RABGEF1: variants seen among roughly 807,000 people sequenced by gnomAD.
RABGEF1 encodes RAB guanine nucleotide exchange factor 1.
A neutral mutation model predicts 57.3 loss-of-function variants in RABGEF1; 26 were observed. That is an observed-to-expected ratio of 0.45 (90% CI 0.33 to 0.63). The LOEUF (loss-of-function observed/expected upper bound fraction) is 0.63, where lower values mean the gene tolerates loss of function less well. Among genes scored for constraint, RABGEF1 ranks in the 20% least tolerant of loss-of-function variants. The pLI is 0.02. For missense variants in RABGEF1, 464 were observed against 607.6 expected (o/e 0.76, Z 2.48); for synonymous variants, 185 against 210.7 (o/e 0.88, Z 1.06).
At chr7:66,740,985 C>A (rs1798784416) in intron 1 of RABGEF1, among the ~76,000 whole-genome samples, 193 bp downstream of exon 1, 1 of 152,136 alleles carries the variant, frequency 6.6e-6, no homozygotes, top group Non-Finnish European at 1.5e-5. Context: ...CTTCCCCGTT[C>A]CAGGCCGCCC....
intron 1 of RABGEF1, among the ~76,000 whole-genome samples, chr7:66,749,527 G>T (rs1027808): frequency 2.2e-4 from 33 of 152,188 alleles, no homozygotes; most frequent in African/African-American, 7.7e-4. Flanking sequence ...ACTTTGCGAG[G>T]TGTTGTTCAC....
chr7:66,731,394 C>T (rs1187466435), intron 2 of RABGEF1, among the ~76,000 whole-genome samples: 1 of 152,108 alleles, frequency 6.6e-6, no homozygotes, highest in Non-Finnish European at 1.5e-5. Context: ...GGTTGAGGCT[C>T]TAAGAGCATG....
At chr7:66,735,157 A>G (rs10244204) in intron 2 of RABGEF1, among the ~76,000 whole-genome samples, 1 of 152,068 alleles carries the variant, frequency 6.6e-6, no homozygotes, top group African/African-American at 2.4e-5. Flanking sequence ...AGTGTTAGCT[A>G]ATTTCCTCCC....
At chr7:66,797,946 G>A (rs1443450838) in intron 6 of RABGEF1, among the ~76,000 whole-genome samples, 1 of 152,018 alleles carries the variant, frequency 6.6e-6, no homozygotes, top group Non-Finnish European at 1.5e-5. Flanking sequence ...GTAAAACCCC[G>A]TCTCTACTAA....
chr7:66,773,657 G>A (rs1414372455), intron 2 of RABGEF1: 1 of 453,774 alleles, frequency 2.2e-6, no homozygotes. Context: ...GATAGTGCTT[G>A]TGCTTTTTGT....
chr7:66,711,045 A>G (rs575213544), intron 1 of RABGEF1, among the ~76,000 whole-genome samples: 1 of 152,302 alleles, frequency 6.6e-6, no homozygotes, highest in Admixed American at 6.5e-5. Flanking sequence ...CTGTAGTCCC[A>G]GCTACTCAGG....
At chr7:66,672,380 C>T in the RABGEF1 span, among the ~76,000 whole-genome samples, 7 of 152,170 alleles carry the variant, frequency 4.6e-5, no homozygotes, top group East Asian at 1.9e-4. Flanking sequence ...TGCAGTGAGC[C>T]GAGATCGTGC....
At chr7:66,768,018 T>C (rs1806179298) in intron 1 of RABGEF1, among the ~76,000 whole-genome samples, 1 of 152,330 alleles carries the variant, frequency 6.6e-6, no homozygotes, top group South Asian at 2.1e-4. Flanking sequence ...CATTCACCCA[T>C]TGAAGGATAT....
chr7:66,746,790 A>T (rs376313066), intron 1 of RABGEF1, among the ~76,000 whole-genome samples: 4 of 145,402 alleles, frequency 2.8e-5, no homozygotes, highest in Non-Finnish European at 4.5e-5. Flanking sequence ...CGTCCGGCTA[A>T]TTTTTTTTTT....
At chr7:66,719,850 G>T (rs1321663917) in intron 2 of RABGEF1, among the ~76,000 whole-genome samples, 1 of 152,172 alleles carries the variant, frequency 6.6e-6, no homozygotes, top group Non-Finnish European at 1.5e-5. Context: ...AGTTATAGCA[G>T]AAGTTATATG....
intron 1 of RABGEF1, among the ~76,000 whole-genome samples, chr7:66,705,087 G>A (rs1793811763): frequency 6.6e-6 from 1 of 151,870 alleles, no homozygotes; most frequent in African/African-American, 2.4e-5. Flanking sequence ...AATTCTATTT[G>A]TTCCTTGCTG....
At chr7:66,669,905 C>G in the RABGEF1 span, 10 of 152,272 alleles carry the variant, frequency 6.6e-5, no homozygotes, top group African/African-American at 2.4e-4. Context: ...AAATAAATCC[C>G]TACCCCACTT....
the RABGEF1 span, among the ~76,000 whole-genome samples, chr7:66,656,985 A>C: frequency 1.3e-5 from 2 of 152,200 alleles, no homozygotes; most frequent in Non-Finnish European, 2.9e-5. Context: ...TATGTGCCTA[A>C]CAACAGAGCA....
the RABGEF1 span, among the ~76,000 whole-genome samples, chr7:66,667,821 G>A: frequency 6.6e-6 from 1 of 152,272 alleles, no homozygotes; most frequent in South Asian, 2.1e-4. Flanking sequence ...TGTTTGAGAT[G>A]GAGTCTTGCT....
intron 1 of RABGEF1, chr7:66,756,149 G>A (rs2129071542): frequency 1.0e-6 from 1 of 972,540 alleles, no homozygotes; most frequent in East Asian, 2.9e-5. Flanking sequence ...AGAAAAATGA[G>A]CAAAATCAGT....
chr7:66,662,238 CAAAAAAAAAAA>C, the RABGEF1 span, among the ~76,000 whole-genome samples: 1 of 88,138 alleles, frequency 1.1e-5, no homozygotes, highest in Non-Finnish European at 2.3e-5. Context: ...GACTCCGTCT[CAAAAAAAAAAA>C]AAAAAAATTG....
intron 1 of RABGEF1, chr7:66,755,998 A>G: frequency 7.3e-7 from 1 of 1,374,038 alleles, no homozygotes; most frequent in East Asian, 2.6e-5. Context: ...TAATCATATG[A>G]AAGTTGGTGA....
intron 1 of RABGEF1, among the ~76,000 whole-genome samples, chr7:66,765,459 C>G (rs1321935988): frequency 6.6e-6 from 1 of 151,946 alleles, no homozygotes; most frequent in Non-Finnish European, 1.5e-5. Context: ...ATAATAGGCT[C>G]TACTGGAACC....
intron 2 of RABGEF1, among the ~76,000 whole-genome samples, chr7:66,716,285 C>G (rs1055648405): frequency 5.9e-5 from 9 of 152,030 alleles, no homozygotes; most frequent in African/African-American, 2.2e-4. Flanking sequence ...CATTTTTAAA[C>G]TTATAATCTA....
Sources: allele counts gnomAD v4.1 joint callset (sites outside exome capture counted in the v4.1 genomes callset), GRCh38; gene constraint gnomAD v4.1.1; transcripts MANE v1.5; gene names NCBI Gene and HGNC (gene_info 2026-07-23, HGNC 2026-07-21).